Variants in PLEKHA7 observed in about 807,000 individuals in gnomAD.
The protein encoded by PLEKHA7 is pleckstrin homology domain containing A7.
PLEKHA7 carries 104 observed loss-of-function variants against 170.0 expected under a neutral mutation model. The ratio of observed to expected loss-of-function variants is 0.61; its 90% CI spans 0.52 to 0.72. The LOEUF is 0.72. PLEKHA7 is among the 30% of genes least tolerant of loss of function. PLEKHA7 has a pLI of 0.00. For missense variants in PLEKHA7, 1,615 were observed against 1,671.7 expected (o/e 0.97, Z 0.59); for synonymous variants, 648 against 660.8 (o/e 0.98, Z 0.30).
intron 3 of PLEKHA7, among the ~76,000 whole-genome samples, chr11:16,885,344 A>AC (rs1187200103): frequency 7.3e-5 from 11 of 151,696 alleles, no homozygotes; most frequent in African/African-American, 2.4e-4. Context: ...AAAAAAAAAA[A>AC]ATTCATATGT....
intron 3 of PLEKHA7, among the ~76,000 whole-genome samples, chr11:16,921,014 G>T (rs1350924406): frequency 6.6e-6 from 1 of 152,204 alleles, no homozygotes; most frequent in African/African-American, 2.4e-5. Flanking sequence ...ATGAATTCGG[G>T]GCTGTAATCA....
At chr11:16,841,158 T>C (rs994750912) in intron 9 of PLEKHA7, among the ~76,000 whole-genome samples, 70 of 152,302 alleles carry the variant, frequency 4.6e-4, no homozygotes, top group African/African-American at 1.6e-3. Flanking sequence ...ATATGCTTGG[T>C]TGAACTATTT....
In PLEKHA7 at chr11:16,855,813, G is replaced by C. The variant is rs370180285; in HGVS notation, c.407C>G (p.Pro136Arg). The C allele has an allele frequency of 2.5e-6, 4 of 1,611,266 alleles. No individual in the cohort carries two copies. The East Asian group carries it at 8.9e-5, about 36-fold the overall frequency. ...AGTASTLEAK[P>R]GPKIIKSSSK... ...TGGCCAGGAGCTCACCTTGGGTCCA[G>C]GCTTGGCCTCCAGGGTGGAGGCGGT... The change falls in exon 5 of 27, where the codon CCT becomes CGT. Residue 136 changes from proline to arginine, a missense_variant. Coordinates refer to ENST00000531066, the MANE Select transcript of PLEKHA7 (RefSeq NM_001329630.2).
chr11:16,889,420 A>AATAT lies in PLEKHA7; in HGVS notation c.222-18242_222-18239dup, dbSNP rs1554964151. Among the ~76,000 whole-genome samples, 400 of 74,574 alleles carry AATAT rather than the reference A, an allele frequency of 5.4e-3. 5 individuals are homozygous for AATAT. The highest frequency in any genetic ancestry group is 8.3e-3 in the East Asian group (23 of 2,764). 48.9% of individuals were successfully genotyped at this position (74,574 alleles called of 152,430 possible). Reference sequence around the variant, plus strand: ...TTGCTCAAAAAAAAAAAAAAAAAAAAATATATATATATATATATATATATA... The same window carrying AATAT: ...TTGCTCAAAAAAAAAAAAAAAAAAAAATATATATATATATATATATATATATATA... On this transcript the variant is annotated intron_variant, in intron 3 of 26. Coordinates refer to ENST00000531066, the MANE Select transcript of PLEKHA7 (RefSeq NM_001329630.2).
intron 3 of PLEKHA7, among the ~76,000 whole-genome samples, chr11:16,945,408 T>A (rs2136444429): frequency 6.6e-6 from 1 of 152,356 alleles, no homozygotes; most frequent in East Asian, 1.9e-4. Context: ...CACACAGGTG[T>A]CTCTCCTCTG....
intron 3 of PLEKHA7, 26 bp from the exon 4 acceptor site, chr11:16,871,208 G>A (rs372974702): frequency 5.7e-5 from 89 of 1,550,590 alleles, no homozygotes; most frequent in Non-Finnish European, 7.7e-5. Context: ...GAAGATGGAT[G>A]AGAATTCGTG....
chr11:16,889,011 C>A (rs1468376845), intron 3 of PLEKHA7, among the ~76,000 whole-genome samples: 1 of 136,974 alleles, frequency 7.3e-6, no homozygotes, highest in East Asian at 2.0e-4. Flanking sequence ...GCTATTGTAA[C>A]CCCTGTGACC....
chr11:16,906,631 G>A (rs177547), intron 3 of PLEKHA7, among the ~76,000 whole-genome samples: 5,911 of 110,262 alleles, frequency 0.054, 420 homozygotes, highest in African/African-American at 0.16. Context: ...TCAGTGTTCA[G>A]TGGTGCCCAG....
chr11:16,990,830 C>A (rs968301892), intron 3 of PLEKHA7, among the ~76,000 whole-genome samples: 18 of 152,252 alleles, frequency 1.2e-4, no homozygotes, highest in African/African-American at 4.1e-4. Flanking sequence ...GTTCTGGGCA[C>A]AGCTTAGCTG....
intron 3 of PLEKHA7, among the ~76,000 whole-genome samples, chr11:16,948,369 T>C (rs540378448): frequency 1.0e-3 from 158 of 152,318 alleles, no homozygotes; most frequent in Non-Finnish European, 1.8e-3. Context: ...CATTAAATAA[T>C]ATAGCCATTC....
chr11:16,889,400 CA>C (rs869268116), intron 3 of PLEKHA7, among the ~76,000 whole-genome samples: 1,855 of 52,496 alleles, frequency 0.035, 22 homozygotes, highest in South Asian at 0.081. Flanking sequence ...CTTTATTGCT[CA>C]AAAAAAAAAA....
chr11:16,855,499 A>C, intron 5 of PLEKHA7: 4 of 346,916 alleles, frequency 1.2e-5, no homozygotes, highest in Non-Finnish European at 2.1e-5. Flanking sequence ...AAATCTCTCC[A>C]GGCTTGCTTT....
At chr11:16,895,318 C>T (rs956380874) in intron 3 of PLEKHA7, among the ~76,000 whole-genome samples, 4 of 152,174 alleles carry the variant, frequency 2.6e-5, no homozygotes, top group Non-Finnish European at 5.9e-5. Context: ...TGCTACTGAC[C>T]TTTAACCCAG....
intron 15 of PLEKHA7, 106 bp from the exon 16 acceptor site, chr11:16,801,923 G>C (rs1379450487): frequency 7.1e-7 from 1 of 1,400,836 alleles, no homozygotes; most frequent in Admixed American, 1.9e-5. Flanking sequence ...AAGGCCGAAG[G>C]GATCAGCGCT....
At chr11:16,931,792 A>C (rs1438257622) in intron 3 of PLEKHA7, among the ~76,000 whole-genome samples, 15 of 149,660 alleles carry the variant, frequency 1.0e-4, no homozygotes, top group Admixed American at 2.6e-4. Flanking sequence ...GAAGAAGAAG[A>C]AGCTGAACAG....
chr11:17,007,517 A>C lies in PLEKHA7; in HGVS notation c.221+6472T>G, dbSNP rs992760311. Among the ~76,000 whole-genome samples the C allele has an allele frequency of 3.3e-5, 5 of 151,764 alleles. No homozygotes were observed. The South Asian group carries it at 1.0e-3, about 32-fold the overall frequency. On this transcript the variant is annotated intron_variant, in intron 3 of 26. Coordinates refer to ENST00000531066, the MANE Select transcript of PLEKHA7 (RefSeq NM_001329630.2). ...CAATTTTATTTTTTTTTAAATGACA[A>C]GTCAAGGGAAAAACTACAGAAGAAC...
At chr11:16,825,968 C>G in intron 10 of PLEKHA7, 152 bp downstream of exon 10, 1 of 851,304 alleles carries the variant, frequency 1.2e-6, no homozygotes, top group Non-Finnish European at 1.9e-6. Flanking sequence ...GGAATATCAC[C>G]CTTTCTTGCA....
chr11:16,959,206 C>T (rs1179002928), intron 3 of PLEKHA7, among the ~76,000 whole-genome samples: 1 of 130,136 alleles, frequency 7.7e-6, no homozygotes, highest in East Asian at 2.3e-4. Flanking sequence ...CAGGACCCAA[C>T]AGTTATCTTT....
chr11:16,950,038 C>CA (rs1369499092), intron 3 of PLEKHA7, among the ~76,000 whole-genome samples: 3 of 127,714 alleles, frequency 2.3e-5, no homozygotes, highest in African/African-American at 9.3e-5. Flanking sequence ...AACCAGACAG[C>CA]AAATGGTTAA....
Sources: allele counts gnomAD v4.1 joint callset (sites outside exome capture counted in the v4.1 genomes callset), GRCh38; gene constraint gnomAD v4.1.1; transcripts MANE v1.5; gene names NCBI Gene and HGNC (gene_info 2026-07-23, HGNC 2026-07-21).